Variants in VMP1 observed in about 807,000 individuals in gnomAD.
The protein encoded by VMP1 is vacuole membrane protein 1, also known as ectopic P-granules autophagy protein 3 homolog.
A neutral mutation model predicts 56.0 loss-of-function variants in VMP1; 11 were observed. The observed-to-expected ratio is 0.20, with a 90% CI of 0.12 to 0.32. The LOEUF (loss-of-function observed/expected upper bound fraction) is 0.32. Ranked by LOEUF, VMP1 falls within the 10% of genes least tolerant of loss-of-function variation. VMP1 has a pLI of 1.00. For synonymous variants in VMP1, 149 were observed against 165.0 expected (o/e 0.90, Z 0.74); for missense variants, 296 against 490.3 (o/e 0.60, Z 3.74).
chr17:59,782,446 TATATTAAAAAG>T (rs1208486640), intron 7 of VMP1, among the ~76,000 whole-genome samples: 5 of 152,206 alleles, frequency 3.3e-5, no homozygotes, highest in African/African-American at 1.2e-4. Flanking sequence ...TTAGAAATGG[TATATTAAAAAG>T]ATACTGGGTT....
chr17:59,757,321 A>T (rs1318721058), intron 5 of VMP1, among the ~76,000 whole-genome samples: 1 of 152,136 alleles, frequency 6.6e-6, no homozygotes, highest in African/African-American at 2.4e-5. Flanking sequence ...TTACCCTTCT[A>T]GGACAATTTT....
intron 10 of VMP1, among the ~76,000 whole-genome samples, chr17:59,824,517 G>A (rs1484276910): frequency 6.7e-6 from 1 of 150,020 alleles, no homozygotes; most frequent in Non-Finnish European, 1.5e-5. Context: ...AGAATGCAGT[G>A]AGCCAAGATC....
At chr17:59,835,579 C>T (rs1185811853) in intron 10 of VMP1, among the ~76,000 whole-genome samples, 1 of 151,178 alleles carries the variant, frequency 6.6e-6, no homozygotes, top group African/African-American at 2.4e-5. Flanking sequence ...CAACCTCTGC[C>T]TCCCAGGTTC....
intron 1 of VMP1, among the ~76,000 whole-genome samples, chr17:59,708,485 A>G (rs1042520654): frequency 6.6e-5 from 10 of 152,182 alleles, no homozygotes; most frequent in Non-Finnish European, 1.5e-4. Context: ...ATTTTACACA[A>G]TCATCTTTTA....
chr17:59,751,589 A>T (rs2035643568), intron 5 of VMP1, among the ~76,000 whole-genome samples: 1 of 144,856 alleles, frequency 6.9e-6, no homozygotes, highest in African/African-American at 2.6e-5. Context: ...TAAAAATACA[A>T]AAATTAGCTG....
intron 5 of VMP1, among the ~76,000 whole-genome samples, chr17:59,748,028 C>T (rs1419414303): frequency 6.6e-6 from 1 of 151,930 alleles, no homozygotes; most frequent in Non-Finnish European, 1.5e-5. Flanking sequence ...AACCCCGTCT[C>T]TACTAAAAAT....
At chr17:59,762,333 T>C (rs2036087116) in intron 5 of VMP1, among the ~76,000 whole-genome samples, 1 of 152,190 alleles carries the variant, frequency 6.6e-6, no homozygotes, top group Non-Finnish European at 1.5e-5. Flanking sequence ...TTTGGGTCTT[T>C]ACCCTCTTGT....
chr17:59,825,564 T>C (rs1211059138), intron 10 of VMP1, among the ~76,000 whole-genome samples: 1 of 152,170 alleles, frequency 6.6e-6, no homozygotes, highest in East Asian at 1.9e-4. Flanking sequence ...ATTAAGCATA[T>C]GACTCGCAGC....
chr17:59,773,974 G>T (rs920665245), intron 7 of VMP1, 89 bp downstream of exon 7: 69 of 1,078,356 alleles, frequency 6.4e-5, no homozygotes, highest in Middle Eastern at 3.3e-4. Flanking sequence ...CTCTGAAGAA[G>T]AAAACTGCTA....
intron 5 of VMP1, among the ~76,000 whole-genome samples, chr17:59,742,522 C>CAATAGTAAT (rs1555614992): frequency 6.3e-5 from 9 of 142,948 alleles, no homozygotes; most frequent in African/African-American, 2.3e-4. Context: ...GTCTCAAAAA[C>CAATAGTAAT]AATAATAATA....
intron 8 of VMP1, 25 bp from the exon 9 acceptor site, chr17:59,811,645 G>A (rs561389926): frequency 6.6e-7 from 1 of 1,505,440 alleles, no homozygotes; most frequent in South Asian, 1.1e-5. Flanking sequence ...TTATAATATG[G>A]AAGTCCTTCT....
chr17:59,795,271 G>A (rs182656477), intron 7 of VMP1, among the ~76,000 whole-genome samples: 2 of 150,572 alleles, frequency 1.3e-5, no homozygotes, highest in African/African-American at 4.9e-5. Flanking sequence ...CACCATGCTC[G>A]GCTGAGTTTT....
intron 2 of VMP1, among the ~76,000 whole-genome samples, chr17:59,733,125 G>A (rs915237001): frequency 3.9e-5 from 6 of 152,114 alleles, no homozygotes; most frequent in Admixed American, 1.3e-4. Context: ...CCACAAGGCT[G>A]CAGTGAGCTG....
At chr17:59,808,410 C>T (rs550788296) in intron 7 of VMP1, among the ~76,000 whole-genome samples, 3 of 152,088 alleles carry the variant, frequency 2.0e-5, no homozygotes, top group Non-Finnish European at 2.9e-5. Flanking sequence ...GGCTAGTGAT[C>T]GGCAGAGATG....
At chr17:59,812,391 A>C (rs1399238187) in intron 9 of VMP1, among the ~76,000 whole-genome samples, 1 of 152,036 alleles carries the variant, frequency 6.6e-6, no homozygotes, top group African/African-American at 2.4e-5. Context: ...CCTCAAAGCC[A>C]CTCTTAACAA....
intron 7 of VMP1, among the ~76,000 whole-genome samples, chr17:59,780,562 GT>G (rs1377355925): frequency 6.6e-6 from 1 of 152,020 alleles, no homozygotes; most frequent in Non-Finnish European, 1.5e-5. Flanking sequence ...GATTTTTCGT[GT>G]TGTTTGTTTT....
intron 7 of VMP1, among the ~76,000 whole-genome samples, chr17:59,785,282 GCTGA>G (rs2036968763): frequency 6.6e-6 from 1 of 152,160 alleles, no homozygotes; most frequent in African/African-American, 2.4e-5. Context: ...GTGTTAGGTT[GCTGA>G]CTATGTGAAA....
intron 5 of VMP1, among the ~76,000 whole-genome samples, chr17:59,748,815 A>G (rs577183942): frequency 4.1e-4 from 62 of 150,958 alleles, no homozygotes; most frequent in Non-Finnish European, 6.9e-4. Context: ...ATTTCCAACA[A>G]TGATGACTAG....
At chr17:59,727,112 C>A (rs929258750) in intron 1 of VMP1, among the ~76,000 whole-genome samples, 4 of 151,862 alleles carry the variant, frequency 2.6e-5, no homozygotes, top group Middle Eastern at 3.2e-3. Flanking sequence ...ACAAATTTCT[C>A]CAGTCTGTTA....
Sources: gnomAD v4.1 joint callset for allele counts (sites outside exome capture counted in the v4.1 genomes callset) on GRCh38, gnomAD v4.1.1 for gene constraint, MANE v1.5 for transcripts, NCBI Gene and HGNC (gene_info 2026-07-23, HGNC 2026-07-21) for gene names.